SUSD6: variants seen among roughly 807,000 people sequenced by gnomAD.
SUSD6 encodes the protein sushi domain containing 6.
A neutral mutation model predicts 28.4 loss-of-function variants in SUSD6; 16 were observed. The ratio of observed to expected loss-of-function variants is 0.56; its 90% CI spans 0.38 to 0.86. The LOEUF (loss-of-function observed/expected upper bound fraction) is 0.86, where lower values mean the gene tolerates loss of function less well. Among genes scored for constraint, SUSD6 ranks in the 40% least tolerant of loss-of-function variants. SUSD6 has a pLI of 0.00. For missense variants in SUSD6, 341 were observed against 384.2 expected (o/e 0.89, Z 0.94); for synonymous variants, 147 against 159.6 (o/e 0.92, Z 0.59).
chr14:69,648,127 G>A (rs550522577), intron 1 of SUSD6, among the ~76,000 whole-genome samples: 2 of 152,218 alleles, frequency 1.3e-5, no homozygotes, highest in South Asian at 2.1e-4. Flanking sequence ...TACTATTTTT[G>A]ATGACTTACT....
At chr14:69,678,376 C>G (rs887658467) in intron 2 of SUSD6, among the ~76,000 whole-genome samples, 2 of 149,990 alleles carry the variant, frequency 1.3e-5, no homozygotes, top group Non-Finnish European at 3.0e-5. Context: ...TGATTACAAA[C>G]TATAGTTGTA....
At chr14:69,658,884 G>A (rs1021386990) in intron 2 of SUSD6, among the ~76,000 whole-genome samples, 171 bp downstream of exon 2, 8 of 152,162 alleles carry the variant, frequency 5.3e-5, no homozygotes, top group African/African-American at 1.9e-4. Flanking sequence ...GAGGTCTAAT[G>A]AGTCACCTGG....
At chr14:69,618,442 A>G (rs928334053) in intron 1 of SUSD6, among the ~76,000 whole-genome samples, 6 of 152,208 alleles carry the variant, frequency 3.9e-5, no homozygotes, top group Admixed American at 2.6e-4. Flanking sequence ...TGCTTTCAAC[A>G]GCTAGTCTTG....
chr14:69,667,147 CTA>C (rs1268980276), intron 2 of SUSD6, among the ~76,000 whole-genome samples: 1 of 152,180 alleles, frequency 6.6e-6, no homozygotes, highest in East Asian at 1.9e-4. Flanking sequence ...GCACACTAGA[CTA>C]TGACTGAGTG....
chr14:69,660,229 A>T (rs548632542), intron 2 of SUSD6, among the ~76,000 whole-genome samples: 1 of 152,208 alleles, frequency 6.6e-6, no homozygotes. Context: ...ACATAAACAG[A>T]TAATGGCACA....
chr14:69,702,056 T>C (rs534080627), intron 2 of SUSD6, among the ~76,000 whole-genome samples: 2 of 152,122 alleles, frequency 1.3e-5, no homozygotes, highest in East Asian at 3.9e-4. Context: ...CTCTCGTGGA[T>C]GAGAAACTGC....
chr14:69,670,395 A>G (rs1354102971), intron 2 of SUSD6: 1 of 450,410 alleles, frequency 2.2e-6, no homozygotes, highest in Non-Finnish European at 4.5e-6. Flanking sequence ...ACATGCTATA[A>G]TCAGGAAAGT....
intron 1 of SUSD6, among the ~76,000 whole-genome samples, chr14:69,620,314 T>C (rs1204309625): frequency 6.6e-6 from 1 of 152,242 alleles, no homozygotes; most frequent in East Asian, 1.9e-4. Flanking sequence ...TCATAATAAT[T>C]TGTGAGCCGA....
At chr14:69,640,418 C>T (rs988169581) in intron 1 of SUSD6, among the ~76,000 whole-genome samples, 3 of 152,080 alleles carry the variant, frequency 2.0e-5, no homozygotes. Context: ...ACTGTAACCT[C>T]GAACTCCTTG....
intron 1 of SUSD6, among the ~76,000 whole-genome samples, chr14:69,632,852 GCTT>G (rs1383035299): frequency 6.6e-6 from 1 of 152,104 alleles, no homozygotes; most frequent in East Asian, 1.9e-4. Context: ...CCTCTTTTGA[GCTT>G]CTCCAATCTA....
chr14:69,706,027 A>G (rs919975843), intron 4 of SUSD6, among the ~76,000 whole-genome samples: 1 of 152,260 alleles, frequency 6.6e-6, no homozygotes, highest in Non-Finnish European at 1.5e-5. Context: ...AGTAAACTGC[A>G]TTCAGTAAAA....
At chr14:69,625,129 C>T (rs1377763130) in intron 1 of SUSD6, among the ~76,000 whole-genome samples, 2 of 152,166 alleles carry the variant, frequency 1.3e-5, no homozygotes, top group Non-Finnish European at 2.9e-5. Flanking sequence ...TTCTGTCTGA[C>T]TGTGTGGCTT....
At chr14:69,645,169 G>A (rs547150734) in intron 1 of SUSD6, among the ~76,000 whole-genome samples, 1 of 152,282 alleles carries the variant, frequency 6.6e-6, no homozygotes, top group South Asian at 2.1e-4. Context: ...TGTTTGGCTT[G>A]AGTGTGCACC....
chr14:69,637,938 G>T (rs998384125), intron 1 of SUSD6, among the ~76,000 whole-genome samples: 2 of 152,132 alleles, frequency 1.3e-5, no homozygotes, highest in African/African-American at 2.4e-5. Context: ...CCAGTGCTCA[G>T]TTATGCTATG....
intron 1 of SUSD6, among the ~76,000 whole-genome samples, chr14:69,613,912 G>C (rs1333514331): frequency 6.6e-6 from 1 of 152,210 alleles, no homozygotes; most frequent in Non-Finnish European, 1.5e-5. Flanking sequence ...TTTCGCTGAA[G>C]CCTGCCTTCT....
chr14:69,636,496 G>A (rs1004471119), intron 1 of SUSD6, among the ~76,000 whole-genome samples: 3 of 152,180 alleles, frequency 2.0e-5, no homozygotes, highest in Non-Finnish European at 4.4e-5. Flanking sequence ...CCTCAGACTC[G>A]CCTCCTCTTT....
chr14:69,667,707 C>G (rs1020540526), intron 2 of SUSD6, among the ~76,000 whole-genome samples: 1 of 151,990 alleles, frequency 6.6e-6, no homozygotes, highest in African/African-American at 2.4e-5. Context: ...GATTAGCGGC[C>G]CATGAAGTTA....
At chr14:69,675,100 C>T (rs1885888245) in intron 2 of SUSD6, among the ~76,000 whole-genome samples, 1 of 151,462 alleles carries the variant, frequency 6.6e-6, no homozygotes, top group South Asian at 2.1e-4. Flanking sequence ...TTTTCATTTA[C>T]TGGAAGAATG....
chr14:69,642,991 T>C (rs1350749655), intron 1 of SUSD6, among the ~76,000 whole-genome samples: 1 of 152,174 alleles, frequency 6.6e-6, no homozygotes, highest in Non-Finnish European at 1.5e-5. Context: ...ACTCTGTTTT[T>C]TCAACTGAGT....
Sources: allele counts gnomAD v4.1 joint callset (sites outside exome capture counted in the v4.1 genomes callset), GRCh38; gene constraint gnomAD v4.1.1; transcripts MANE v1.5; gene names NCBI Gene and HGNC (gene_info 2026-07-23, HGNC 2026-07-21).